The following GTPBP10 variants were observed in gnomAD, a reference collection of about 807,000 sequenced individuals.
GTPBP10 encodes the protein GTP binding protein 10, also known as GTP-binding protein 10.
Under a neutral mutation model 44.8 loss-of-function variants are expected in GTPBP10, and 38 were observed. The ratio of observed to expected loss-of-function variants is 0.85; its 90% confidence interval spans 0.65 to 1.11. GTPBP10 has a LOEUF of 1.11. Among genes scored for constraint, GTPBP10 ranks in the 50% most tolerant of loss-of-function variants. The pLI is 0.00. For synonymous variants in GTPBP10, 152 were observed against 150.6 expected (o/e 1.01, Z -0.07); for missense variants, 462 against 453.7 (o/e 1.02, Z -0.17).
chr7:90,356,905 G>A (rs537213312), intron 4 of GTPBP10, among the ~76,000 whole-genome samples: 1 of 152,248 alleles, frequency 6.6e-6, no homozygotes, highest in South Asian at 2.1e-4. Flanking sequence ...TTTGAAATTT[G>A]TCTGTAATTA....
Position 90,390,744 on chromosome 7 carries a change from A to G in GTPBP10, c.*5590A>G, listed in dbSNP as rs1796599475. ...CCATATTCCAGTATATTTTTCTGAA[A>G]CTGCCAATATTTTCTGATCGGTACT... On this transcript the variant is annotated 3_prime_UTR_variant, in exon 10 of 10. Coordinates refer to ENST00000222511, the MANE Select transcript of GTPBP10 (RefSeq NM_033107.4). 6.6e-6 allele frequency: 1 copy of G among 152,148 alleles called. No individual in the cohort carries two copies. The highest frequency in any genetic ancestry group is 2.1e-4 in the South Asian group (1 of 4,828). 9.4% of individuals were successfully genotyped at this position (152,148 alleles called of 1,614,324 possible). A position where few individuals can be genotyped will look rare whatever the true frequency, so the allele number is the denominator to read the frequency against.
At chr7:90,384,556 G>C (rs555558924) in intron 9 of GTPBP10, among the ~76,000 whole-genome samples, 1 of 152,054 alleles carries the variant, frequency 6.6e-6, no homozygotes, top group East Asian at 1.9e-4. Context: ...TTTACAGAAA[G>C]TATCTTTCAG....
Position 90,360,109 on chromosome 7 carries a change from A to G in GTPBP10, c.464+4879A>G, listed in dbSNP as rs537726077. Among the ~76,000 whole-genome samples, 11 of 152,042 alleles carry G rather than the reference A, an allele frequency of 7.2e-5. No homozygotes were observed. The East Asian group carries it at 1.9e-3, about 27-fold the overall frequency. On this transcript the variant is annotated intron_variant, in intron 4 of 9. Transcript: ENST00000222511. ...TAGGTTGCCTGTTCACTCCGATGGT[A>G]GTTTCTTTTGCTGTGCAGAAGCTCT...
At chr7:90,370,930 C>T (rs111684422) in intron 4 of GTPBP10, among the ~76,000 whole-genome samples, 16,069 of 151,652 alleles carry the variant, frequency 0.11, 1,056 homozygotes, top group Non-Finnish European at 0.15. Context: ...TGGCGTGAAC[C>T]GGGAGGTGGA....
rs1230246488 is a variant in GTPBP10 at position 90,352,862 on chromosome 7, C to T, written c.80C>T (p.Ser27Phe). ...CTAAGACTCTTCACCAGGGGAGGAT[C>T]CGGTGGAATGGGTTATCCTCGTTTA... The part of the protein sequence containing the change: ...DKLRLFTRGG[S>F]GGMGYPRLGG... The change falls in exon 2 of 10, where the codon TCC (serine) becomes TTC (phenylalanine). Residue 27 changes from serine (S) to phenylalanine (F), a missense_variant. Physicochemically the swap from Ser to Phe is radical, Grantham distance 155. Coordinates refer to ENST00000222511, the MANE Select transcript of GTPBP10 (RefSeq NM_033107.4). The T allele has an allele frequency of 6.2e-7, 1 of 1,612,984 alleles. No individual in the cohort carries two copies. Among genetic ancestry groups the T allele is most frequent in the Non-Finnish European group, 8.5e-7 (1 of 1,179,666 alleles).
At chr7:90,348,750 G>A (rs890932102) in intron 1 of GTPBP10, among the ~76,000 whole-genome samples, 4 of 152,052 alleles carry the variant, frequency 2.6e-5, no homozygotes, top group African/African-American at 9.7e-5. Flanking sequence ...CCAAAAAAAT[G>A]TTTCTATAGG....
chr7:90,364,257 C>A (rs34477088), intron 4 of GTPBP10, among the ~76,000 whole-genome samples: 1 of 152,060 alleles, frequency 6.6e-6, no homozygotes, highest in Non-Finnish European at 1.5e-5. Flanking sequence ...TTTTCCCCAT[C>A]TTTGTGGTTT....
chr7:90,374,443 C>T, intron 6 of GTPBP10, 89 bp downstream of exon 6: 1 of 838,146 alleles, frequency 1.2e-6, no homozygotes. Context: ...TTGCCTGTTT[C>T]TGTGGTGTTA....
At chr7:90,354,408 GTA>G (rs549701437) in intron 2 of GTPBP10, 48 bp from the exon 3 acceptor site, 1 of 813,814 alleles carries the variant, frequency 1.2e-6, no homozygotes, top group Non-Finnish European at 1.9e-6. Context: ...GTGTGTGTGT[GTA>G]TATATACACA....
chr7:90,352,761 G>T lies in GTPBP10; in HGVS notation c.34-55G>T, dbSNP rs1446923716. The stretch of plus-strand genomic sequence containing the variant: ...TAGTGGAAGAAAGAACTAGAAAAAG[G>T]TTCTAAGGTGATACACTTTTGGTAT... On this transcript the variant is annotated intron_variant, in intron 1 of 9. Coordinates refer to ENST00000222511, the MANE Select transcript of GTPBP10 (RefSeq NM_033107.4). 2.2e-6 allele frequency: 3 copies of T among 1,371,214 alleles called. No individual in the cohort carries two copies. In the African/African-American group the frequency reaches 4.4e-5, roughly 20 times the overall value. 84.9% of individuals were successfully genotyped at this position (1,371,214 alleles called of 1,614,324 possible).
In GTPBP10 at chr7:90,385,162, A is replaced by T. The variant is rs1040046125; in HGVS notation, c.*8A>T. The T allele has an allele frequency of 3.8e-6, 6 of 1,569,268 alleles. No homozygotes were observed. Among genetic ancestry groups the T allele is most frequent in the Non-Finnish European group, 5.2e-6 (6 of 1,152,040 alleles). Reference sequence around the variant, plus strand: ...AAAATGGATATAATTTAAATATATTAAAAATGGTATTGATGGAACAGTATT... The same window carrying T: ...AAAATGGATATAATTTAAATATATTTAAAATGGTATTGATGGAACAGTATT... On this transcript the variant is annotated 3_prime_UTR_variant, in exon 10 of 10. Coordinates refer to ENST00000222511, the MANE Select transcript of GTPBP10 (RefSeq NM_033107.4).
chr7:90,383,688 AT>A (rs1369776429), intron 9 of GTPBP10: 1 of 152,202 alleles, frequency 6.6e-6, no homozygotes, highest in African/African-American at 2.4e-5. Context: ...AGTTTTGAAT[AT>A]TGACATTTGC....
intron 1 of GTPBP10, among the ~76,000 whole-genome samples, chr7:90,351,053 G>A (rs1427017925): frequency 6.6e-6 from 1 of 152,190 alleles, no homozygotes; most frequent in Non-Finnish European, 1.5e-5. Flanking sequence ...ATGGGGAGAC[G>A]ATTAGCATCA....
intron 6 of GTPBP10, among the ~76,000 whole-genome samples, chr7:90,376,912 TTAGGAAATTATAAATAAA>T (rs1796352655): frequency 1.3e-5 from 2 of 152,174 alleles, no homozygotes; most frequent in Non-Finnish European, 2.9e-5. Context: ...ACAATACCAT[TTAGGAAATTATAAATAAA>T]TTTTAAACTA....
At position 90,377,627 on chromosome 7, in the gene GTPBP10, T is replaced by C. The variant is rs1476008777; in HGVS notation, c.699+13T>C. ...ACTACTTTTTGTTGTAAGTCATATGTATACTAATGTGATATTCAAATAAAT... is the reference window on the plus strand; with the variant it reads ...ACTACTTTTTGTTGTAAGTCATATGCATACTAATGTGATATTCAAATAAAT... On this transcript the variant is annotated intron_variant, in intron 7 of 9. Transcript: ENST00000222511. 4.1e-6 allele frequency: 6 copies of C among 1,453,356 alleles called. No individual in the cohort carries two copies. Among genetic ancestry groups the C allele is most frequent in the Non-Finnish European group, 5.7e-6 (6 of 1,056,930 alleles). 90.0% of individuals were successfully genotyped at this position (1,453,356 alleles called of 1,614,324 possible).
In GTPBP10 at chr7:90,385,940, GC is replaced by G. The variant is rs1796516864; in HGVS notation, c.*790del. ...GGCATAGTGGCGCATGCCTGTTGTAGCCCCAGCTACTCAAGAGGCTGAGGCA... is the reference window on the plus strand; with the variant it reads ...GGCATAGTGGCGCATGCCTGTTGTAGCCCAGCTACTCAAGAGGCTGAGGCA... On this transcript the variant is annotated 3_prime_UTR_variant, in exon 10 of 10. Transcript: ENST00000222511. 1 of 151,968 alleles carries G rather than the reference GC, an allele frequency of 6.6e-6. No homozygotes were observed. The highest frequency in any genetic ancestry group is 2.1e-4 in the South Asian group (1 of 4,814). The allele number at this position is 151,968 out of a possible 1,614,324, so 9.4% of individuals were successfully genotyped here. A position where few individuals can be genotyped will look rare whatever the true frequency, so the allele number is the denominator to read the frequency against.
chr7:90,370,668 A>G (rs1190150050), intron 4 of GTPBP10, among the ~76,000 whole-genome samples: 1 of 152,186 alleles, frequency 6.6e-6, no homozygotes, highest in Non-Finnish European at 1.5e-5. Context: ...AACAACAACA[A>G]CAAAAAAATC....
intron 4 of GTPBP10, among the ~76,000 whole-genome samples, chr7:90,359,389 A>G (rs1261950717): frequency 2.0e-4 from 30 of 151,962 alleles, no homozygotes; most frequent in Admixed American, 1.9e-3. Flanking sequence ...AGAACATGCA[A>G]TGTTTGGTTT....
At chr7:90,353,594 G>A (rs1032651976) in intron 2 of GTPBP10, among the ~76,000 whole-genome samples, 1 of 151,186 alleles carries the variant, frequency 6.6e-6, no homozygotes, top group African/African-American at 2.4e-5. Flanking sequence ...TTTTTTTTCC[G>A]ATTATAACCA....
Sources: gnomAD v4.1 joint callset for allele counts (sites outside exome capture counted in the v4.1 genomes callset) on GRCh38, gnomAD v4.1.1 for gene constraint, MANE v1.5 for transcripts, NCBI Gene and HGNC (gene_info 2026-07-23, HGNC 2026-07-21) for gene names.